The following WDR27 variants were observed in gnomAD, a reference collection of about 807,000 sequenced individuals.
The protein encoded by WDR27 is WD repeat domain 27, also known as WD repeat-containing protein 27.
In WDR27, 100 loss-of-function variants were observed where a neutral mutation model predicts 114.4. The ratio of observed to expected loss-of-function variants is 0.87; its 90% CI spans 0.74 to 1.03. WDR27 has a LOEUF of 1.03. WDR27 is among the 50% of genes least tolerant of loss of function. The probability of loss-of-function intolerance (pLI) is 0.00; values close to 1 mark genes in which losing one functional copy is unlikely to be tolerated. For synonymous variants in WDR27, 449 were observed against 423.1 expected (o/e 1.06, Z -0.75); for missense variants, 1,129 against 1,092.9 (o/e 1.03, Z -0.47).
chr6:169,556,169 A>G (rs1798859980), intron 25 of WDR27, among the ~76,000 whole-genome samples: 1 of 152,180 alleles, frequency 6.6e-6, no homozygotes, highest in Admixed American at 6.5e-5. Flanking sequence ...CCTGTGAGGT[A>G]GGAGCCTTGG....
At chr6:169,502,354 G>T (rs779375134) in intron 25 of WDR27, among the ~76,000 whole-genome samples, 1 of 152,204 alleles carries the variant, frequency 6.6e-6, no homozygotes, top group East Asian at 1.9e-4. Context: ...TCCGTACACG[G>T]ACGGTCCCTG....
chr6:169,558,056 T>C (rs1033639724), intron 25 of WDR27, among the ~76,000 whole-genome samples: 2 of 152,064 alleles, frequency 1.3e-5, no homozygotes, highest in African/African-American at 4.8e-5. Context: ...CCCAACACTA[T>C]CCACAAATTT....
intron 18 of WDR27, among the ~76,000 whole-genome samples, chr6:169,637,856 AAT>A (rs1337416162): frequency 6.6e-6 from 1 of 151,188 alleles, no homozygotes. Flanking sequence ...CACGTGTGTG[AAT>A]ATGTGGCAAG....
intron 25 of WDR27, among the ~76,000 whole-genome samples, chr6:169,509,947 A>G (rs966079360): frequency 6.6e-6 from 1 of 152,224 alleles, no homozygotes; most frequent in Non-Finnish European, 1.5e-5. Context: ...AGAAACAAAC[A>G]ACCCCATCAA....
intron 25 of WDR27, among the ~76,000 whole-genome samples, chr6:169,497,680 C>A (rs965393195): frequency 6.6e-6 from 1 of 151,930 alleles, no homozygotes; most frequent in Admixed American, 6.6e-5. Context: ...ATTTGGGAAA[C>A]GCAAAACAAA....
chr6:169,525,812 A>G (rs1402428908), intron 25 of WDR27, among the ~76,000 whole-genome samples: 1 of 152,208 alleles, frequency 6.6e-6, no homozygotes, highest in Non-Finnish European at 1.5e-5. Flanking sequence ...AACTATTCGC[A>G]ACAGCCAAAA....
At chr6:169,587,918 G>A (rs1804964884) in intron 23 of WDR27, among the ~76,000 whole-genome samples, 1 of 152,204 alleles carries the variant, frequency 6.6e-6, no homozygotes, top group African/African-American at 2.4e-5. Flanking sequence ...TACATACCAA[G>A]CAATTCAGCT....
chr6:169,573,754 TA>T (rs1457226354), intron 24 of WDR27, among the ~76,000 whole-genome samples: 1 of 152,206 alleles, frequency 6.6e-6, no homozygotes, highest in African/African-American at 2.4e-5. Context: ...TCTCCATACT[TA>T]ACCTGCACGC....
At chr6:169,550,399 G>T (rs79395934) in intron 25 of WDR27, among the ~76,000 whole-genome samples, 8,820 of 151,996 alleles carry the variant, frequency 0.058, 723 homozygotes, top group African/African-American at 0.19. Flanking sequence ...TATTTTTATT[G>T]TTATTGTATT....
intron 16 of WDR27, among the ~76,000 whole-genome samples, chr6:169,645,023 T>TAAAAAAAA (rs776362942): frequency 1.1e-4 from 5 of 46,980 alleles, no homozygotes; most frequent in Non-Finnish European, 1.6e-4. Flanking sequence ...AAAAAAAAAA[T>TAAAAAAAA]AAAAAAAAAA....
At chr6:169,577,101 G>C (rs1209035030) in intron 24 of WDR27, among the ~76,000 whole-genome samples, 2 of 133,548 alleles carry the variant, frequency 1.5e-5, no homozygotes, top group Non-Finnish European at 3.2e-5. Context: ...AAAAAAAAGA[G>C]TTACGTGGGC....
chr6:169,435,785 TTTGAG>T, the WDR27 span, among the ~76,000 whole-genome samples: 3 of 152,218 alleles, frequency 2.0e-5, no homozygotes, highest in African/African-American at 7.2e-5. Flanking sequence ...ACTGTGGTCT[TTTGAG>T]TTAATACTGA....
chr6:169,577,705 TGGGAG>T (rs1802645688), intron 24 of WDR27, among the ~76,000 whole-genome samples: 1 of 152,206 alleles, frequency 6.6e-6, no homozygotes, highest in Admixed American at 6.5e-5. Context: ...CCGCGGCCCA[TGGGAG>T]TGGTTCGTTA....
At chr6:169,458,164 A>G (rs903265274) in intron 25 of WDR27, among the ~76,000 whole-genome samples, 1 of 152,122 alleles carries the variant, frequency 6.6e-6, no homozygotes, top group South Asian at 2.1e-4. Flanking sequence ...ATTTTTGTCA[A>G]CTTCAGATTC....
At chr6:169,624,214 G>A (rs1814173090) in intron 21 of WDR27, among the ~76,000 whole-genome samples, 2 of 149,940 alleles carry the variant, frequency 1.3e-5, no homozygotes. Flanking sequence ...TGTGGCAGGT[G>A]TTCCGTGTGC....
At chr6:169,550,068 G>T (rs1272098804) in intron 25 of WDR27, among the ~76,000 whole-genome samples, 4 of 152,072 alleles carry the variant, frequency 2.6e-5, no homozygotes, top group Non-Finnish European at 5.9e-5. Flanking sequence ...ATCAACAATG[G>T]TAACAGTAAC....
Position 169,668,199 on chromosome 6 carries a change from G to C in WDR27, c.457-14C>G. 1 of 1,613,374 alleles carries C rather than the reference G, an allele frequency of 6.2e-7. No individual in the cohort carries two copies. Among genetic ancestry groups the C allele is most frequent in the Non-Finnish European group, 8.5e-7 (1 of 1,179,464 alleles). On this transcript the variant is annotated splice_polypyrimidine_tract_variant and intron_variant, in intron 4 of 25. Transcript: ENST00000448612. Reference sequence around the variant, plus strand: ...AGAAAATCGCTGCTATTAAAATAAAGCCCAAATTATTCCTCTGTTCAAGCT... The same window carrying C: ...AGAAAATCGCTGCTATTAAAATAAACCCCAAATTATTCCTCTGTTCAAGCT...
intron 23 of WDR27, among the ~76,000 whole-genome samples, chr6:169,589,150 C>A (rs1805224392): frequency 6.6e-6 from 1 of 152,186 alleles, no homozygotes; most frequent in Non-Finnish European, 1.5e-5. Flanking sequence ...ATCCACTCTT[C>A]AGAACTCCTG....
intron 2 of WDR27, among the ~76,000 whole-genome samples, chr6:169,677,370 T>C (rs1365994670): frequency 6.6e-6 from 1 of 152,254 alleles, no homozygotes; most frequent in Non-Finnish European, 1.5e-5. Flanking sequence ...ACTTGAGTGA[T>C]GGCCTAGTGT....
Sources: allele counts gnomAD v4.1 joint callset (sites outside exome capture counted in the v4.1 genomes callset), GRCh38; gene constraint gnomAD v4.1.1; transcripts MANE v1.5; gene names NCBI Gene and HGNC (gene_info 2026-07-23, HGNC 2026-07-21).